The following EVC variants were observed in gnomAD, a reference collection of about 807,000 sequenced individuals.
EVC encodes the protein evC complex member EVC.
EVC carries 116 observed loss-of-function variants against 118.9 expected under a neutral mutation model. The observed-to-expected ratio is 0.98, with a 90% confidence interval of 0.84 to 1.14. EVC has a LOEUF of 1.14. EVC is among the 50% of genes most tolerant of loss of function. The pLI, the probability that EVC is intolerant of heterozygous loss-of-function variation, is 0.00. For synonymous variants in EVC, 619 were observed against 534.7 expected (o/e 1.16, Z -2.18); for missense variants, 1,401 against 1,246.4 (o/e 1.12, Z -1.87).
chr4:5,733,528 A>G lies in EVC; in HGVS notation c.702+93A>G, dbSNP rs1001786890. The stretch of plus-strand genomic sequence containing the variant: ...GCAGTGAGTCCCAGAGACCCTTGAG[A>G]GGCAGACATCAGTGGAAACAGAGCC... On this transcript the variant is annotated intron_variant, in intron 5 of 20. Transcript: ENST00000264956. 27 of 1,096,038 alleles carry G rather than the reference A, an allele frequency of 2.5e-5. No homozygotes were observed. The African/African-American group carries it at 3.8e-4, about 16-fold the overall frequency. The allele number at this position is 1,096,038 out of a possible 1,614,324, so 67.9% of individuals were successfully genotyped here.
At chr4:5,728,588 T>C (rs554115642) in intron 2 of EVC, among the ~76,000 whole-genome samples, 85 of 152,224 alleles carry the variant, frequency 5.6e-4, no homozygotes, top group South Asian at 1.0e-3. Context: ...TTCTCTTTTC[T>C]AGTGACTCAG....
At chr4:5,769,876 A>T (rs539634853) in intron 11 of EVC, among the ~76,000 whole-genome samples, 12 of 152,168 alleles carry the variant, frequency 7.9e-5, no homozygotes, top group Non-Finnish European at 1.8e-4. Context: ...GTCTGAGAGT[A>T]GTTCCCAAAC....
In EVC at chr4:5,737,592, C is replaced by T. The variant is rs1043942498; in HGVS notation, c.703-4124C>T. The stretch of plus-strand genomic sequence containing the variant: ...TGAAGCCAGTGCTCATGCACCACTC[C>T]GAAAGTCCTAGGGCCCTTAAGGGTG... On this transcript the variant is annotated intron_variant, in intron 5 of 20. Coordinates refer to ENST00000264956, the MANE Select transcript of EVC (RefSeq NM_153717.3). The surrounding 1 kb of genome is among the most constrained non-coding windows in gnomAD (Gnocchi z 5.0). Among the ~76,000 whole-genome samples, 5 of 152,288 alleles carry T rather than the reference C, an allele frequency of 3.3e-5. No individual in the cohort carries two copies. The highest frequency in any genetic ancestry group is 3.9e-4 in the East Asian group (2 of 5,184).
At chr4:5,764,044 T>C (rs1275361247) in intron 11 of EVC, among the ~76,000 whole-genome samples, 1 of 148,434 alleles carries the variant, frequency 6.7e-6, no homozygotes, top group African/African-American at 2.5e-5. Flanking sequence ...GGGTTTGTCA[T>C]AGATAGCTCT....
intron 11 of EVC, among the ~76,000 whole-genome samples, chr4:5,776,083 CTCATGCATAGAAATTAA>C (rs1361846178): frequency 9.9e-5 from 15 of 151,612 alleles, no homozygotes; most frequent in African/African-American, 3.6e-4. Flanking sequence ...AAGTGTGTTT[CTCATGCATAGAAATTAA>C]ATTTTGTAAA....
chr4:5,755,063 A>G lies in EVC; in HGVS notation c.1464+1130A>G, dbSNP rs943548554. Among the ~76,000 whole-genome samples, 1 of 151,864 alleles carries G rather than the reference A, an allele frequency of 6.6e-6. No homozygotes were observed. Among genetic ancestry groups the G allele is most frequent in the Non-Finnish European group, 1.5e-5 (1 of 67,984 alleles). On this transcript the variant is annotated intron_variant, in intron 10 of 20. Transcript: ENST00000264956. The surrounding 1 kb of genome is among the most constrained non-coding windows in gnomAD (Gnocchi z 4.1). The stretch of plus-strand genomic sequence containing the variant: ...GGACAGGCCTCTAGGTCCCTGGTCC[A>G]GCTGCCTCCCTCACCCAGGGGGCCT...
chr4:5,825,942 G>A, the EVC span: 1 of 473,164 alleles, frequency 2.1e-6, no homozygotes, highest in East Asian at 4.2e-5. This position sits in a 1 kb window ranked among gnomAD's most constrained non-coding sequence, Gnocchi z 4.4. Flanking sequence ...ATGCAGTCAT[G>A]CACACATATA....
Position 5,745,203 on chromosome 4 carries a change from G to A in EVC, c.802-1G>A. On this transcript the variant is annotated splice_acceptor_variant, in intron 6 of 20. Transcript: ENST00000264956. LOFTEE classifies it high-confidence loss of function. ...CTTTCTTTTTTCTTCTTCTTCTTCA[G>A]GATTTGGAGGAACTAGAAAAGGGAC... 1 of 1,612,556 alleles carries A rather than the reference G, an allele frequency of 6.2e-7. No homozygotes were observed. The highest frequency in any genetic ancestry group is 2.2e-5 in the East Asian group (1 of 44,862).
At chr4:5,787,964 C>G (rs1287416666) in intron 12 of EVC, among the ~76,000 whole-genome samples, 1 of 152,118 alleles carries the variant, frequency 6.6e-6, no homozygotes, top group Non-Finnish European at 1.5e-5. Context: ...CTTGAAACAC[C>G]CGCTTGACTC....
chr4:5,716,651 A>G lies in EVC; in HGVS notation c.175-2597A>G, dbSNP rs545956724. Among the ~76,000 whole-genome samples, 243 of 152,210 alleles carry G rather than the reference A, an allele frequency of 1.6e-3. 2 individuals carry two copies. Among genetic ancestry groups the G allele is most frequent in the African/African-American group, 5.4e-3 (223 of 41,530 alleles). The stretch of plus-strand genomic sequence containing the variant: ...TGTTATCTTTAGTTTCTGCAGGGAA[A>G]CCAAACATCTCCTGACTCTAACTTC... On this transcript the variant is annotated intron_variant, in intron 1 of 20. Transcript: ENST00000264956.
intron 17 of EVC, among the ~76,000 whole-genome samples, chr4:5,807,868 G>A (rs1311780937): frequency 6.6e-6 from 1 of 152,228 alleles, no homozygotes; most frequent in Non-Finnish European, 1.5e-5. Flanking sequence ...ACAGACGTGT[G>A]TCCTGAGGGA....
intron 1 of EVC, among the ~76,000 whole-genome samples, chr4:5,715,149 T>C (rs930067192): frequency 6.6e-6 from 1 of 152,232 alleles, no homozygotes; most frequent in Non-Finnish European, 1.5e-5. Context: ...TGTGTACTTA[T>C]CATTCATTTA....
chr4:5,825,775 T>TGC, the EVC span: 19 of 967,792 alleles, frequency 2.0e-5, no homozygotes, highest in Non-Finnish European at 3.1e-6. This position sits in a 1 kb window ranked among gnomAD's most constrained non-coding sequence, Gnocchi z 4.4. Context: ...CAAATGTGCA[T>TGC]GCACACACAC....
chr4:5,720,317 G>T (rs2151850384), intron 2 of EVC, among the ~76,000 whole-genome samples: 1 of 152,260 alleles, frequency 6.6e-6, no homozygotes, highest in African/African-American at 2.4e-5. Context: ...GCCACGTGAG[G>T]CTGATCTGAT....
intron 5 of EVC, among the ~76,000 whole-genome samples, chr4:5,736,993 G>T (rs1463857530): frequency 6.6e-6 from 1 of 152,190 alleles, no homozygotes; most frequent in Non-Finnish European, 1.5e-5. Context: ...TGAAAGCTGG[G>T]CTTCTTATAC....
chr4:5,817,939 A>C (rs771986726), downstream of EVC, among the ~76,000 whole-genome samples: 1 of 152,188 alleles, frequency 6.6e-6, no homozygotes, highest in African/African-American at 2.4e-5. Context: ...ATTCTGTCTC[A>C]CTTTTTAAGA....
intron 17 of EVC, among the ~76,000 whole-genome samples, chr4:5,806,371 C>T (rs188846160): frequency 4.3e-4 from 66 of 152,230 alleles, no homozygotes; most frequent in African/African-American, 1.4e-3. Context: ...TGAGCCACTG[C>T]GCCCAGCCTG....
chr4:5,805,354 T>C (rs1560440097), intron 17 of EVC, among the ~76,000 whole-genome samples: 1 of 152,288 alleles, frequency 6.6e-6, no homozygotes, highest in East Asian at 1.9e-4. Flanking sequence ...AAGGCAGGCT[T>C]GGCTCTCCTG....
chr4:5,712,574 A>G (rs1444035033), intron 1 of EVC, among the ~76,000 whole-genome samples: 1 of 152,172 alleles, frequency 6.6e-6, no homozygotes, highest in Admixed American at 6.5e-5. Context: ...CAGAAACAAG[A>G]TGGCGTGGTC....
Sources: allele counts gnomAD v4.1 joint callset (sites outside exome capture counted in the v4.1 genomes callset), GRCh38; gene constraint gnomAD v4.1.1; non-coding constraint Gnocchi (gnomAD v3.1); transcripts MANE v1.5; gene names NCBI Gene and HGNC (gene_info 2026-07-23, HGNC 2026-07-21).